CNTN5: variants seen among roughly 807,000 people sequenced by gnomAD.
CNTN5 encodes the protein contactin 5, also known as contactin-5.
Under a neutral mutation model 129.1 loss-of-function variants are expected in CNTN5, and 77 were observed. That is an observed-to-expected ratio of 0.60 (90% CI 0.50 to 0.72). The LOEUF (loss-of-function observed/expected upper bound fraction) is 0.72. Ranked by LOEUF, CNTN5 falls within the 30% of genes least tolerant of loss-of-function variation. The pLI, the probability that CNTN5 is intolerant of heterozygous loss-of-function variation, is 0.00. For missense variants in CNTN5, 1,478 were observed against 1,328.8 expected (o/e 1.11, Z -1.75); for synonymous variants, 509 against 465.6 (o/e 1.09, Z -1.20).
chr11:99,406,714 A>C (rs1736256794), intron 2 of CNTN5, among the ~76,000 whole-genome samples: 1 of 152,078 alleles, frequency 6.6e-6, no homozygotes, highest in Non-Finnish European at 1.5e-5. Flanking sequence ...AAAACCTTAG[A>C]AGTTTACCTG....
intron 18 of CNTN5, among the ~76,000 whole-genome samples, chr11:100,293,662 C>T (rs577239915): frequency 1.5e-4 from 22 of 151,680 alleles, no homozygotes; most frequent in African/African-American, 3.9e-4. Context: ...TGGAAATACA[C>T]GTTAAAAAAT....
intron 13 of CNTN5, among the ~76,000 whole-genome samples, chr11:100,137,335 A>C (rs1287667351): frequency 2.6e-5 from 4 of 152,156 alleles, no homozygotes; most frequent in Admixed American, 2.0e-4. Context: ...AATTTATTTC[A>C]AATTGGAAAC....
intron 3 of CNTN5, among the ~76,000 whole-genome samples, chr11:99,614,876 A>G (rs1263795255): frequency 6.6e-6 from 1 of 152,030 alleles, no homozygotes. Flanking sequence ...GTAAGCTTAT[A>G]ATCCTTACGA....
chr11:99,585,500 A>T (rs7930555), intron 3 of CNTN5, among the ~76,000 whole-genome samples: 15,832 of 152,008 alleles, frequency 0.1, 1,210 homozygotes, highest in African/African-American at 0.21. Context: ...TATTTAAAAA[A>T]ATATATATAT....
intron 2 of CNTN5, among the ~76,000 whole-genome samples, chr11:99,537,248 G>A (rs971348007): frequency 6.6e-6 from 1 of 152,082 alleles, no homozygotes; most frequent in Non-Finnish European, 1.5e-5. Flanking sequence ...TCTAACTTGA[G>A]ATCATCTTAT....
intron 1 of CNTN5, among the ~76,000 whole-genome samples, chr11:99,204,435 T>C (rs969386310): frequency 8.5e-5 from 13 of 152,308 alleles, no homozygotes; most frequent in Admixed American, 1.3e-4. Flanking sequence ...CTCTAACAGT[T>C]ACAAGTCTTC....
intron 2 of CNTN5, among the ~76,000 whole-genome samples, chr11:99,368,494 A>T (rs946215156): frequency 1.3e-5 from 2 of 151,980 alleles, no homozygotes; most frequent in African/African-American, 4.8e-5. Context: ...AAAAAAAAAA[A>T]TTGAAAATAT....
chr11:99,496,095 A>C (rs1295835571), intron 2 of CNTN5, among the ~76,000 whole-genome samples: 2 of 152,200 alleles, frequency 1.3e-5, no homozygotes, highest in Admixed American at 6.5e-5. Context: ...CTTAGAGTAC[A>C]ATAAGCTGAG....
chr11:99,639,663 C>G (rs1377261101), intron 3 of CNTN5, among the ~76,000 whole-genome samples: 1 of 134,164 alleles, frequency 7.5e-6, no homozygotes, highest in African/African-American at 2.8e-5. Context: ...CTCCTGGGTT[C>G]AAGCGATTCC....
At chr11:99,397,814 A>G (rs1278683725) in intron 2 of CNTN5, among the ~76,000 whole-genome samples, 2 of 151,734 alleles carry the variant, frequency 1.3e-5, no homozygotes, top group Admixed American at 6.6e-5. Flanking sequence ...GGCTACTTTT[A>G]TCAGAAAATG....
intron 3 of CNTN5, among the ~76,000 whole-genome samples, chr11:99,730,879 C>G (rs1943507958): frequency 6.6e-6 from 1 of 152,176 alleles, no homozygotes; most frequent in Admixed American, 6.5e-5. Flanking sequence ...CTAGAGAACA[C>G]TAGATCCTAT....
chr11:99,932,170 T>C (rs1950207337), intron 7 of CNTN5, among the ~76,000 whole-genome samples: 1 of 152,180 alleles, frequency 6.6e-6, no homozygotes, highest in African/African-American at 2.4e-5. Context: ...CCTTATGCAC[T>C]TTTGTTGAAA....
intron 1 of CNTN5, among the ~76,000 whole-genome samples, chr11:99,122,242 G>C (rs1296069856): frequency 6.6e-6 from 1 of 151,976 alleles, no homozygotes; most frequent in African/African-American, 2.4e-5. Context: ...AGGAACAGTT[G>C]TCATAGTTTA....
intron 2 of CNTN5, among the ~76,000 whole-genome samples, chr11:99,438,840 A>G (rs1294830831): frequency 2.0e-5 from 3 of 152,216 alleles, no homozygotes; most frequent in Admixed American, 2.0e-4. Context: ...AACTTTACAC[A>G]TTAAATGGCC....
intron 8 of CNTN5, among the ~76,000 whole-genome samples, chr11:99,957,887 A>T (rs1950844165): frequency 6.6e-6 from 1 of 151,768 alleles, no homozygotes; most frequent in Non-Finnish European, 1.5e-5. Flanking sequence ...ATATATGTTT[A>T]TATGTATATA....
chr11:99,574,180 T>C (rs1001399138), intron 3 of CNTN5, among the ~76,000 whole-genome samples: 29 of 152,188 alleles, frequency 1.9e-4, no homozygotes, highest in African/African-American at 7.0e-4. Flanking sequence ...CCTGTGTTAG[T>C]TTGCTGAGAA....
At chr11:99,438,456 A>G (rs1333601822) in intron 2 of CNTN5, among the ~76,000 whole-genome samples, 4 of 152,146 alleles carry the variant, frequency 2.6e-5, no homozygotes, top group African/African-American at 9.7e-5. Flanking sequence ...GGTCTCTTAC[A>G]CAATTTTAGG....
At chr11:100,004,545 TA>T (rs1176180723) in intron 9 of CNTN5, among the ~76,000 whole-genome samples, 1 of 152,226 alleles carries the variant, frequency 6.6e-6, no homozygotes, top group Non-Finnish European at 1.5e-5. Flanking sequence ...TTTCTCCACT[TA>T]AAACATTTAT....
chr11:99,977,815 A>C (rs1309341083), intron 8 of CNTN5, among the ~76,000 whole-genome samples: 1 of 152,210 alleles, frequency 6.6e-6, no homozygotes, highest in Non-Finnish European at 1.5e-5. Context: ...CACATTGTCA[A>C]AGATCTCTTG....
Sources: gnomAD v4.1 joint callset for allele counts (sites outside exome capture counted in the v4.1 genomes callset) on GRCh38, gnomAD v4.1.1 for gene constraint, MANE v1.5 for transcripts, NCBI Gene and HGNC (gene_info 2026-07-23, HGNC 2026-07-21) for gene names.